Variants in ARID1B observed in about 807,000 individuals in gnomAD.
The protein encoded by ARID1B is AT-rich interactive domain-containing protein 1B.
Under a neutral mutation model 212.3 loss-of-function variants are expected in ARID1B, and 30 were observed. The ratio of observed to expected loss-of-function variants is 0.14; its 90% CI spans 0.11 to 0.19. The LOEUF is 0.19. Among genes scored for constraint, ARID1B ranks in the 10% least tolerant of loss-of-function variants. ARID1B has a pLI of 1.00. For synonymous variants in ARID1B, 1,402 were observed against 1,301.7 expected (o/e 1.08, Z -1.66); for missense variants, 2,891 against 3,204.0 (o/e 0.90, Z 2.36).
intron 4 of ARID1B, chr6:156,940,040 T>G (rs1277470399): frequency 1.3e-5 from 2 of 152,224 alleles, no homozygotes; most frequent in Admixed American, 1.3e-4. Flanking sequence ...TTGTTAATAT[T>G]CCTCAGTTTA....
chr6:157,202,517 T>C (rs1354574599), intron 18 of ARID1B, among the ~76,000 whole-genome samples: 1 of 151,918 alleles, frequency 6.6e-6, no homozygotes, highest in African/African-American at 2.4e-5. Context: ...CAAAACCTCG[T>C]CTCTACTAAA....
At position 157,110,456 on chromosome 6, in the gene ARID1B, C is replaced by G; in HGVS notation, c.2492-16C>G. The stretch of plus-strand genomic sequence containing the variant: ...AAGGGTTCCCCCATCTCCACTTTCC[C>G]TCCTGTGTTTTACAGGTAGTCAGAT... On this transcript the variant is annotated splice_polypyrimidine_tract_variant and intron_variant, in intron 5 of 19. Coordinates refer to ENST00000636930, the MANE Select transcript of ARID1B (RefSeq NM_001374828.1). The G allele has an allele frequency of 6.2e-7, 1 of 1,613,094 alleles. No homozygotes were observed.
At chr6:157,160,790 C>T (rs1200176566) in intron 8 of ARID1B, among the ~76,000 whole-genome samples, 1 of 152,150 alleles carries the variant, frequency 6.6e-6, no homozygotes, top group African/African-American at 2.4e-5. Flanking sequence ...CTTGAATTTG[C>T]TGTTTCTCTT....
Position 157,198,923 on chromosome 6 carries a change from G to C in ARID1B, c.4479+16G>C, listed in dbSNP as rs2128366868. ...ACAGCAGCCGGTGAGTTGGCAAGTGGGCGTGGGGTGCTGTGTTTTCTGGTT... is the reference window on the plus strand; with the variant it reads ...ACAGCAGCCGGTGAGTTGGCAAGTGCGCGTGGGGTGCTGTGTTTTCTGGTT... On this transcript the variant is annotated intron_variant, in intron 17 of 19. Transcript: ENST00000636930. 6.3e-7 allele frequency: 1 copy of C among 1,576,824 alleles called. No individual in the cohort carries two copies. The highest frequency in any genetic ancestry group is 8.6e-7 in the Non-Finnish European group (1 of 1,156,250).
chr6:156,826,180 C>A (rs1308562920), intron 1 of ARID1B, among the ~76,000 whole-genome samples: 1 of 152,128 alleles, frequency 6.6e-6, no homozygotes, highest in Non-Finnish European at 1.5e-5. Context: ...GGCTGTGGGG[C>A]CTGGGGCAAA....
At chr6:156,981,764 C>T (rs1412222124) in intron 4 of ARID1B, among the ~76,000 whole-genome samples, 2 of 152,064 alleles carry the variant, frequency 1.3e-5, no homozygotes, top group African/African-American at 2.4e-5. Flanking sequence ...TACTGTAATA[C>T]TATAATAACT....
intron 5 of ARID1B, among the ~76,000 whole-genome samples, chr6:157,086,291 A>G (rs1377919392): frequency 1.3e-5 from 2 of 152,184 alleles, no homozygotes; most frequent in African/African-American, 2.4e-5. Flanking sequence ...AAGCATTTCG[A>G]TGTTATCTTT....
chr6:157,142,676 GTAAC>G (rs1789461087), intron 7 of ARID1B, among the ~76,000 whole-genome samples: 1 of 152,106 alleles, frequency 6.6e-6, no homozygotes, highest in South Asian at 2.1e-4. Flanking sequence ...ATATTTTGTA[GTAAC>G]TGTTATAAAA....
intron 4 of ARID1B, among the ~76,000 whole-genome samples, chr6:157,014,600 C>T (rs1297681542): frequency 2.0e-5 from 3 of 152,174 alleles, no homozygotes; most frequent in East Asian, 1.9e-4. Context: ...TTTTTCATCT[C>T]ACCCAATACA....
In ARID1B at chr6:156,838,320, G is replaced by A. The variant is rs1426622310; in HGVS notation, c.1986+8899G>A. 3.3e-5 allele frequency among the ~76,000 whole-genome samples: 5 copies of A among 152,094 alleles called. No homozygotes were observed. The East Asian group carries it at 9.6e-4, about 29-fold the overall frequency. On this transcript the variant is annotated intron_variant, in intron 2 of 19. Coordinates refer to ENST00000636930, the MANE Select transcript of ARID1B (RefSeq NM_001374828.1). ...AAATGCAAAAACCTGTCATTGCTGA[G>A]GTAATTAAGTTTTACTTAATGGTCC...
chr6:157,193,120 A>T (rs1178745073), intron 15 of ARID1B, among the ~76,000 whole-genome samples: 1 of 152,210 alleles, frequency 6.6e-6, no homozygotes, highest in Admixed American at 6.5e-5. Context: ...ATAAATGAAC[A>T]TCATTTTATA....
chr6:157,006,037 C>T (rs1264989212), intron 4 of ARID1B, among the ~76,000 whole-genome samples: 3 of 152,104 alleles, frequency 2.0e-5, no homozygotes, highest in Non-Finnish European at 2.9e-5. Context: ...ATTCTTGCCA[C>T]CCCACAACAC....
intron 1 of ARID1B, among the ~76,000 whole-genome samples, chr6:156,808,671 C>A (rs948670477): frequency 6.6e-6 from 1 of 152,076 alleles, no homozygotes. Flanking sequence ...TTTTTCTAAT[C>A]TACATGCCAC....
At chr6:157,151,595 A>G (rs1350757230) in intron 8 of ARID1B, 1 of 152,226 alleles carries the variant, frequency 6.6e-6, no homozygotes, top group Non-Finnish European at 1.5e-5. Context: ...CTTCTTTCCT[A>G]CTACAAAACT....
At chr6:156,987,740 C>T (rs183154500) in intron 4 of ARID1B, among the ~76,000 whole-genome samples, 13 of 152,266 alleles carry the variant, frequency 8.5e-5, no homozygotes, top group Admixed American at 7.8e-4. Flanking sequence ...TATTCTCATA[C>T]TTGATAGTTA....
At position 157,207,116 on chromosome 6, in the gene ARID1B, C is replaced by T. The variant is rs368420323; in HGVS notation, c.6344C>T (p.Pro2115Leu). ...HHEHPERKRA[P>L]QTYEKEEDED... ...GAGCATCCAGAGAGAAAGCGAGCACCGCAGACCTATGAGAAAGAGGAGGAT... is the reference window on the plus strand; with the variant it reads ...GAGCATCCAGAGAGAAAGCGAGCACTGCAGACCTATGAGAAAGAGGAGGAT... Residue 2115 changes from proline to leucine, a missense_variant, in exon 20 of 20, where the codon CCG becomes CTG. By Grantham distance (98) the Pro-to-Leu change is moderately conservative (BLOSUM62 -3). Around this residue, in one of 7 missense-constraint regions of ARID1B, gnomAD observed 41 missense variants for 40.4 expected, o/e 1.01. Coordinates refer to ENST00000636930, the MANE Select transcript of ARID1B (RefSeq NM_001374828.1). The surrounding 1 kb of genome is among the most constrained non-coding windows in gnomAD (Gnocchi z 8.5). The T allele has an allele frequency of 2.4e-5, 39 of 1,614,040 alleles. No homozygotes were observed. Among genetic ancestry groups the T allele is most frequent in the East Asian group, 8.9e-5 (4 of 44,892 alleles).
At chr6:156,793,736 T>TA (rs1276084535) in intron 1 of ARID1B, among the ~76,000 whole-genome samples, 1 of 152,178 alleles carries the variant, frequency 6.6e-6, no homozygotes. Flanking sequence ...GCAAAACTCT[T>TA]ATGGATATGC....
chr6:156,920,394 G>T (rs1214179463), intron 3 of ARID1B, among the ~76,000 whole-genome samples: 1 of 152,000 alleles, frequency 6.6e-6, no homozygotes. Context: ...TTCCTGGATT[G>T]TTTTTTTGCT....
chr6:157,002,912 A>G (rs12193751), intron 4 of ARID1B, among the ~76,000 whole-genome samples: 44,599 of 152,180 alleles, frequency 0.29, 6,700 homozygotes, highest in Non-Finnish European at 0.32. Context: ...CTTGAAGGAC[A>G]GTAGCCAGGC....
Sources: allele counts gnomAD v4.1 joint callset (sites outside exome capture counted in the v4.1 genomes callset), GRCh38; gene constraint gnomAD v4.1.1; regional missense constraint gnomAD v4.1.1; non-coding constraint Gnocchi (gnomAD v3.1); transcripts MANE v1.5; gene names NCBI Gene and HGNC (gene_info 2026-07-23, HGNC 2026-07-21).